The following VPS36 variants were observed in gnomAD, a reference collection of about 807,000 sequenced individuals.
VPS36 encodes vacuolar protein-sorting-associated protein 36.
In VPS36, 31 loss-of-function variants were observed where a neutral mutation model predicts 63.5. The ratio of observed to expected loss-of-function variants is 0.49; its 90% CI spans 0.37 to 0.66. VPS36 has a LOEUF of 0.66. Among genes scored for constraint, VPS36 ranks in the 30% least tolerant of loss-of-function variants. The pLI is 0.00. For missense variants in VPS36, 338 were observed against 463.7 expected (o/e 0.73, Z 2.49); for synonymous variants, 138 against 157.2 (o/e 0.88, Z 0.91).
rs1957975174 is a variant in VPS36 at position 52,414,449 on chromosome 13, A to C, written c.*1381T>G. 2 of 152,232 alleles carry C rather than the reference A, an allele frequency of 1.3e-5. No homozygotes were observed. The highest frequency in any genetic ancestry group is 2.9e-5 in the Non-Finnish European group (2 of 68,066). 9.4% of individuals were successfully genotyped at this position (152,232 alleles called of 1,614,324 possible). On this transcript the variant is annotated 3_prime_UTR_variant, in exon 14 of 14. Coordinates refer to ENST00000378060, the MANE Select transcript of VPS36 (RefSeq NM_016075.4). ...GTCTCAGGCACAGCATTCCTGTGAC[A>C]CTGGAGGATACGAAGCAGCAATAGC...
chr13:52,449,745 C>G (rs970373783), intron 1 of VPS36, among the ~76,000 whole-genome samples: 3 of 152,194 alleles, frequency 2.0e-5, no homozygotes, highest in Non-Finnish European at 4.4e-5. Context: ...TATTTACTTA[C>G]ACTTCCTATT....
At chr13:52,441,213 G>C (rs1958272821) in intron 2 of VPS36, among the ~76,000 whole-genome samples, 2 of 152,056 alleles carry the variant, frequency 1.3e-5, no homozygotes, top group African/African-American at 4.8e-5. Flanking sequence ...TTAGTTCCCA[G>C]GTACAAAAAA....
intron 12 of VPS36, 157 bp from the exon 13 acceptor site, chr13:52,416,250 C>G (rs1309421759): frequency 1.4e-6 from 1 of 723,736 alleles, no homozygotes; most frequent in East Asian, 2.8e-5. Context: ...CACACTATAA[C>G]TAAATTTTAA....
intron 10 of VPS36, among the ~76,000 whole-genome samples, chr13:52,422,462 C>G (rs1958056278): frequency 6.6e-6 from 1 of 152,144 alleles, no homozygotes; most frequent in South Asian, 2.1e-4. Flanking sequence ...ACTCGTGTCA[C>G]TAGGGTTTGC....
chr13:52,438,570 G>A (rs931914664), intron 3 of VPS36, among the ~76,000 whole-genome samples: 3 of 151,990 alleles, frequency 2.0e-5, no homozygotes, highest in Non-Finnish European at 2.9e-5. Flanking sequence ...CCAAGTTTTC[G>A]GTACATTTGA....
intron 2 of VPS36, among the ~76,000 whole-genome samples, chr13:52,439,496 A>G (rs554148978): frequency 6.5e-4 from 99 of 152,064 alleles, no homozygotes; most frequent in African/African-American, 2.3e-3. Context: ...CCCAGGCTGG[A>G]GTGCAGTGGC....
chr13:52,443,489 G>A (rs1958302744), intron 1 of VPS36, among the ~76,000 whole-genome samples: 1 of 152,262 alleles, frequency 6.6e-6, no homozygotes, highest in South Asian at 2.1e-4. Context: ...AAAAGACCAT[G>A]CAAGTACACA....
At chr13:52,436,499 T>C (rs1958219749) in intron 3 of VPS36, 95 bp from the exon 4 acceptor site, 4 of 886,568 alleles carry the variant, frequency 4.5e-6, no homozygotes, top group East Asian at 2.7e-5. Context: ...AAATCACTTT[T>C]AAAATTCATG....
chr13:52,440,585 G>A (rs1958266422), intron 2 of VPS36, among the ~76,000 whole-genome samples: 1 of 152,138 alleles, frequency 6.6e-6, no homozygotes, highest in South Asian at 2.1e-4. Flanking sequence ...GAGCCACTGC[G>A]CCTAGCCCAA....
chr13:52,422,789 A>G (rs898121295), intron 10 of VPS36, among the ~76,000 whole-genome samples: 2 of 152,192 alleles, frequency 1.3e-5, no homozygotes, highest in Non-Finnish European at 2.9e-5. Context: ...TTATTACCAG[A>G]AAGAAATGAT....
intron 6 of VPS36, 26 bp downstream of exon 6, chr13:52,433,636 A>G: frequency 1.3e-6 from 2 of 1,563,798 alleles, no homozygotes; most frequent in Non-Finnish European, 8.8e-7. Flanking sequence ...GCTGGAATAG[A>G]TGGAGAGCCA....
At chr13:52,416,235 AC>A (rs1422323242) in intron 12 of VPS36, 142 bp from the exon 13 acceptor site, 2 of 792,596 alleles carry the variant, frequency 2.5e-6, no homozygotes, top group African/African-American at 1.8e-5. Context: ...AATCCAAAGA[AC>A]ATTCACACTA....
chr13:52,414,610 C>T lies in VPS36; in HGVS notation c.*1220G>A, dbSNP rs528581453. On this transcript the variant is annotated 3_prime_UTR_variant, in exon 14 of 14. Coordinates refer to ENST00000378060, the MANE Select transcript of VPS36 (RefSeq NM_016075.4). The stretch of plus-strand genomic sequence containing the variant: ...CCCACTGACAATGTCTTAGGGGTCC[C>T]AGAGTGTGAACCTGGGCATCCCTCT... 1.3e-5 allele frequency: 2 copies of T among 152,314 alleles called. No homozygotes were observed. Among genetic ancestry groups the T allele is most frequent in the Admixed American group, 6.5e-5 (1 of 15,288 alleles). The allele number at this position is 152,314 out of a possible 1,614,324, so 9.4% of individuals were successfully genotyped here.
chr13:52,445,638 C>CAAA (rs1260034533), intron 1 of VPS36, among the ~76,000 whole-genome samples: 2 of 36,776 alleles, frequency 5.4e-5, no homozygotes, highest in African/African-American at 1.1e-4. Flanking sequence ...GACTCCGTCT[C>CAAA]AAAAAAAAAA....
chr13:52,418,035 C>A lies in VPS36; in HGVS notation c.862G>T (p.Val288Leu). The A allele has an allele frequency of 6.2e-7, 1 of 1,611,740 alleles. No homozygotes were observed. The highest frequency in any genetic ancestry group is 2.2e-5 in the East Asian group (1 of 44,846). The change falls in exon 11 of 14, where the codon GTG becomes TTG. Residue 288 changes from valine to leucine, a missense_variant. Coordinates refer to ENST00000378060, the MANE Select transcript of VPS36 (RefSeq NM_016075.4). ...GMELLSPEDL[V>L]NACKMLEALK... The stretch of plus-strand genomic sequence containing the variant: ...GCTTCCAGCATCTTGCACGCATTCA[C>A]TAAATCTTCTGGTGAGAGCAACTAA...
chr13:52,439,018 G>C, intron 3 of VPS36, 80 bp downstream of exon 3: 1 of 1,292,268 alleles, frequency 7.7e-7, no homozygotes, highest in Non-Finnish European at 1.1e-6. Context: ...CGTACATCAA[G>C]TCTAAGATAG....
At position 52,415,505 on chromosome 13, in the gene VPS36, C is replaced by A. The variant is rs1957984897; in HGVS notation, c.*325G>T. The A allele has an allele frequency of 4.9e-6, 1 of 203,524 alleles. No individual in the cohort carries two copies. The highest frequency in any genetic ancestry group is 5.6e-5 in the Admixed American group (1 of 17,980). The allele number at this position is 203,524 out of a possible 1,614,324, so 12.6% of individuals were successfully genotyped here. ...TGAACATGCAACTTCTCTTTTTATT[C>A]TCTGCAAAACTAAATTCCCTTCTTT... On this transcript the variant is annotated 3_prime_UTR_variant, in exon 14 of 14. Coordinates refer to ENST00000378060, the MANE Select transcript of VPS36 (RefSeq NM_016075.4).
chr13:52,446,106 TA>T (rs61005164), intron 1 of VPS36, among the ~76,000 whole-genome samples: 1,755 of 118,560 alleles, frequency 0.015, 31 homozygotes, highest in African/African-American at 0.049. Flanking sequence ...AAATAAAAAA[TA>T]AAAAAAAAAA....
chr13:52,447,745 A>C (rs1958359795), intron 1 of VPS36, among the ~76,000 whole-genome samples: 1 of 151,450 alleles, frequency 6.6e-6, no homozygotes, highest in Non-Finnish European at 1.5e-5. Context: ...ATTAAACATT[A>C]TATCAAGGGT....
Sources: gnomAD v4.1 joint callset for allele counts (sites outside exome capture counted in the v4.1 genomes callset) on GRCh38, gnomAD v4.1.1 for gene constraint, MANE v1.5 for transcripts, NCBI Gene and HGNC (gene_info 2026-07-23, HGNC 2026-07-21) for gene names.